Variants in ARSG observed in about 807,000 individuals in gnomAD.
ARSG encodes ASG.
Under a neutral mutation model 50.5 loss-of-function variants are expected in ARSG, and 37 were observed. The observed-to-expected ratio is 0.73, with a 90% CI of 0.56 to 0.96. The LOEUF is 0.96. Ranked by LOEUF, ARSG falls within the 50% of genes least tolerant of loss-of-function variation. The pLI is 0.00. For missense variants in ARSG, 629 were observed against 675.3 expected (o/e 0.93, Z 0.76); for synonymous variants, 225 against 254.6 (o/e 0.88, Z 1.11).
chr17:68,444,937 T>TTTG, the ARSG span, among the ~76,000 whole-genome samples: 1 of 102,270 alleles, frequency 9.8e-6, no homozygotes, highest in South Asian at 3.2e-4. Flanking sequence ...TTTTTTTTTT[T>TTTG]TGAGAAGGAG....
At chr17:68,294,387 G>A (rs371232430) in intron 1 of ARSG, among the ~76,000 whole-genome samples, 1 of 152,136 alleles carries the variant, frequency 6.6e-6, no homozygotes, top group Non-Finnish European at 1.5e-5. Flanking sequence ...TCAAGTCTTC[G>A]TGTTGGGTTG....
chr17:68,334,400 G>T (rs1210499952), intron 2 of ARSG, among the ~76,000 whole-genome samples: 1 of 152,030 alleles, frequency 6.6e-6, no homozygotes, highest in Non-Finnish European at 1.5e-5. Context: ...GCACACATTT[G>T]GTAGCACCCC....
chr17:68,282,633 T>C (rs919883041), intron 1 of ARSG, among the ~76,000 whole-genome samples: 7 of 151,320 alleles, frequency 4.6e-5, no homozygotes, highest in Admixed American at 2.0e-4. Context: ...ACGCTGTCTC[T>C]ACAAAAAAGT....
intron 11 of ARSG, among the ~76,000 whole-genome samples, chr17:68,416,087 T>C (rs1256846957): frequency 1.3e-5 from 2 of 152,172 alleles, no homozygotes; most frequent in Non-Finnish European, 2.9e-5. Flanking sequence ...TTGGTTTTTT[T>C]GTTTTTGCTT....
rs530828427 is a variant in ARSG at position 68,329,654 on chromosome 17, C to T, written c.219-13950C>T. Among the ~76,000 whole-genome samples the T allele has an allele frequency of 4.6e-5, 7 of 152,288 alleles. No individual in the cohort carries two copies. The East Asian group carries it at 9.6e-4, about 21-fold the overall frequency. On this transcript the variant is annotated intron_variant, in intron 2 of 11. Transcript: ENST00000621439. Reference sequence around the variant, plus strand: ...GAGGGCCTGTAGACCGTGCTGACTTCGAATTTGCTTTGACTGCAATAAGAA... The same window carrying T: ...GAGGGCCTGTAGACCGTGCTGACTTTGAATTTGCTTTGACTGCAATAAGAA...
chr17:68,408,730 C>T (rs1240954969), intron 11 of ARSG, among the ~76,000 whole-genome samples: 28 of 150,694 alleles, frequency 1.9e-4, no homozygotes, highest in African/African-American at 6.8e-4. Context: ...AACTAGTTTA[C>T]AGTCCCACCA....
the ARSG span, among the ~76,000 whole-genome samples, chr17:68,427,916 G>A: frequency 6.6e-6 from 1 of 152,096 alleles, no homozygotes; most frequent in Non-Finnish European, 1.5e-5. Flanking sequence ...TTGAGACAGG[G>A]TCTCACTCTG....
In ARSG at chr17:68,307,001, C is replaced by T. The variant is rs137932862; in HGVS notation, c.-493C>T. On this transcript the variant is annotated 5_prime_UTR_variant, in exon 2 of 12. The change creates a new upstream start codon in the 5' untranslated region. Transcript: ENST00000621439. ...CTGCTACTCAGTTATTCGGGGCTGA[C>T]GGCGGCTTCTAGAACATCCAGGTGT... 1.7e-4 allele frequency: 26 copies of T among 152,970 alleles called. No individual in the cohort carries two copies. Among genetic ancestry groups the T allele is most frequent in the African/African-American group, 4.1e-4 (17 of 41,572 alleles). The allele number at this position is 152,970 out of a possible 1,614,324, so 9.5% of individuals were successfully genotyped here. A position where few individuals can be genotyped will look rare whatever the true frequency, so the allele number is the denominator to read the frequency against.
chr17:68,429,776 A>T, the ARSG span, among the ~76,000 whole-genome samples: 4 of 152,048 alleles, frequency 2.6e-5, no homozygotes, highest in African/African-American at 9.7e-5. Context: ...TTTAGTAGAG[A>T]CGGGATTTCA....
In ARSG at chr17:68,368,637, G is replaced by T; in HGVS notation, c.794G>T (p.Gly265Val). The change falls in exon 7 of 12, where the codon GGC becomes GTC. Residue 265 changes from glycine to valine, a missense_variant. Gly to Val is a moderately radical substitution (Grantham distance 109, BLOSUM62 -3). Coordinates refer to ENST00000621439, the MANE Select transcript of ARSG (RefSeq NM_001267727.2). ...PVTQLPAAPR[G>V]RSLYGAGLWE... is the part of the protein sequence containing the mutation. Reference sequence around the variant, plus strand: ...ACTCAGCTACCAGCAGCGCCACGGGGCAGAAGCCTGTATGGTGCAGGGCTC... The same window carrying T: ...ACTCAGCTACCAGCAGCGCCACGGGTCAGAAGCCTGTATGGTGCAGGGCTC... 3 of 1,614,248 alleles carry T rather than the reference G, an allele frequency of 1.9e-6. No homozygotes were observed. The highest frequency in any genetic ancestry group is 2.5e-6 in the Non-Finnish European group (3 of 1,180,030).
intron 1 of ARSG, among the ~76,000 whole-genome samples, chr17:68,272,150 C>T (rs2075362760): frequency 6.6e-6 from 1 of 152,084 alleles, no homozygotes; most frequent in Non-Finnish European, 1.5e-5. Context: ...GTTGGCCAGG[C>T]TGGTCTCGAT....
At chr17:68,448,275 A>T in the ARSG span, 1 of 152,238 alleles carries the variant, frequency 6.6e-6, no homozygotes, top group Non-Finnish European at 1.5e-5. Context: ...GAAAGTTTTA[A>T]GAAAAGCAAA....
chr17:68,374,681 G>A (rs544237173), intron 8 of ARSG, among the ~76,000 whole-genome samples: 4 of 151,800 alleles, frequency 2.6e-5, no homozygotes, highest in East Asian at 1.9e-4. Context: ...GTGAAACCCC[G>A]TCTCTATTAA....
chr17:68,417,110 A>AT (rs1430946921), intron 11 of ARSG, among the ~76,000 whole-genome samples: 1 of 152,084 alleles, frequency 6.6e-6, no homozygotes, highest in African/African-American at 2.4e-5. Context: ...GTAGGTTATT[A>AT]TTAAGTCTTA....
downstream of ARSG, chr17:68,427,146 G>A: frequency 6.2e-7 from 1 of 1,613,982 alleles, no homozygotes. Context: ...TGGCACCGTG[G>A]AGGCTGAAGA....
intron 5 of ARSG, among the ~76,000 whole-genome samples, chr17:68,354,942 A>G (rs954689232): frequency 1.3e-5 from 2 of 152,174 alleles, no homozygotes; most frequent in African/African-American, 4.8e-5. Context: ...TATTTCTGTA[A>G]TGGGGTGTGT....
the ARSG span, among the ~76,000 whole-genome samples, chr17:68,433,760 G>GTTTTTTTT: frequency 4.1e-4 from 30 of 72,822 alleles, 2 homozygotes; most frequent in African/African-American, 1.4e-3. Context: ...AAGGGTCATA[G>GTTTTTTTT]TTTTTTTTTT....
At position 68,358,250 on chromosome 17, in the gene ARSG, AAAAC is replaced by A. The variant is rs745369901; in HGVS notation, c.704+1450_704+1453del. Among the ~76,000 whole-genome samples the A allele has an allele frequency of 4.6e-5, 7 of 151,982 alleles. No individual in the cohort carries two copies. In the East Asian group the frequency reaches 1.2e-3, roughly 25 times the overall value. The stretch of plus-strand genomic sequence containing the variant: ...TAAAATAAAATAAAGGTAAATAAGA[AAAAC>A]AAAGAAGTGGGCTGTGTGCGGTGGC... On this transcript the variant is annotated intron_variant, in intron 6 of 11. Transcript: ENST00000621439.
chr17:68,347,273 CCTAAGTT>C, intron 4 of ARSG, 101 bp downstream of exon 4: 1 of 1,362,762 alleles, frequency 7.3e-7, no homozygotes, highest in Non-Finnish European at 1.0e-6. Flanking sequence ...TGGGGGCAAC[CCTAAGTT>C]AGGACATCTT....
Sources: allele counts gnomAD v4.1 joint callset (sites outside exome capture counted in the v4.1 genomes callset), GRCh38; gene constraint gnomAD v4.1.1; transcripts MANE v1.5; gene names NCBI Gene and HGNC (gene_info 2026-07-23, HGNC 2026-07-21).